MLXIPL: variants seen among roughly 807,000 people sequenced by gnomAD.
MLXIPL encodes the protein carbohydrate-responsive element-binding protein.
In MLXIPL, 49 loss-of-function variants were observed where a neutral mutation model predicts 81.5. That is an observed-to-expected ratio of 0.60 (90% CI 0.48 to 0.76). The LOEUF (loss-of-function observed/expected upper bound fraction) is 0.76. MLXIPL is among the 30% of genes least tolerant of loss of function. MLXIPL has a pLI of 0.00. For missense variants in MLXIPL, 1,053 were observed against 1,167.0 expected (o/e 0.90, Z 1.42); for synonymous variants, 466 against 485.5 (o/e 0.96, Z 0.53).
chr7:73,634,327 T>C, the MLXIPL span, among the ~76,000 whole-genome samples: 1 of 151,338 alleles, frequency 6.6e-6, no homozygotes, highest in African/African-American at 2.4e-5. Context: ...AGGCCAGGAG[T>C]TCAAGACCAG....
the MLXIPL span, among the ~76,000 whole-genome samples, chr7:73,643,884 A>G: frequency 6.6e-6 from 1 of 152,104 alleles, no homozygotes; most frequent in Non-Finnish European, 1.5e-5. Flanking sequence ...CTCCCGCCTC[A>G]GCCTCCCAAG....
At chr7:73,607,444 G>A (rs1319855557) in intron 3 of MLXIPL, 24 bp from the exon 4 acceptor site, 3 of 1,544,460 alleles carry the variant, frequency 1.9e-6, no homozygotes, top group Non-Finnish European at 2.6e-6. Context: ...CGGGGGAGGG[G>A]GATCAGTAGA....
At position 73,593,888 on chromosome 7, in the gene MLXIPL, C is replaced by G; in HGVS notation, c.2536G>C (p.Gly846Arg). The G allele has an allele frequency of 2.5e-6, 4 of 1,614,062 alleles. No homozygotes were observed. Among genetic ancestry groups the G allele is most frequent in the Non-Finnish European group, 3.4e-6 (4 of 1,179,976 alleles). Residue 846 changes from glycine (G) to arginine (R), a missense_variant, in exon 17 of 17, where the codon GGC (glycine) becomes CGC (arginine). This residue lies in a region of MLXIPL where 823 missense variants were observed against 933.0 expected (regional missense o/e 0.88). Coordinates refer to ENST00000313375, the MANE Select transcript of MLXIPL (RefSeq NM_032951.3). ...GACTATAAAGGTTTGCCAAGGGTGC[C>G]CTCTGTGACTGCCCGTGTGGCTTGC... Reference protein sequence around the residue: ...PEQATRAVTEGTLGKPL With the variant: ...PEQATRAVTERTLGKPL
chr7:73,607,368 C>T lies in MLXIPL; in HGVS notation c.536G>A (p.Arg179Gln), dbSNP rs868971099. The change falls in exon 4 of 17, where the codon CGG becomes CAG. Residue 179 changes from arginine to glutamine, a missense_variant. By Grantham distance (43) the Arg-to-Gln change is conservative. This residue lies in a region of MLXIPL where 823 missense variants were observed against 933.0 expected (regional missense o/e 0.88). Transcript: ENST00000313375. ...YWKRRIEVVM[R>Q]EYHKWRIYYK... The stretch of plus-strand genomic sequence containing the variant: ...GTAGATGCGCCACTTGTGGTATTCC[C>T]GCATCACCACCTCGATGCGCCGCTT... 10 of 1,567,464 alleles carry T rather than the reference C, an allele frequency of 6.4e-6. No individual in the cohort carries two copies. Among genetic ancestry groups the T allele is most frequent in the Non-Finnish European group, 8.7e-6 (10 of 1,155,746 alleles).
the MLXIPL span, among the ~76,000 whole-genome samples, chr7:73,640,603 C>T: frequency 6.6e-6 from 1 of 151,308 alleles, no homozygotes; most frequent in African/African-American, 2.4e-5. Context: ...ATGATGAAAC[C>T]CTGTCTCTAC....
rs370408161 is a variant in MLXIPL, at chr7:73,596,240, C to T, written c.1971G>A (p.Ala657=). 2.2e-4 allele frequency: 347 copies of T among 1,612,448 alleles called. No individual in the cohort carries two copies. Among genetic ancestry groups the T allele is most frequent in the Middle Eastern group, 3.3e-4 (2 of 6,054 alleles). The change falls in exon 13 of 17, where the codon GCG becomes GCA. Residue 657 remains alanine (A), a synonymous_variant. Transcript: ENST00000313375. The surrounding 1 kb of genome is among the most constrained non-coding windows in gnomAD (Gnocchi z 4.7). ...TGATGTTGAAGCGCCGCTTCTGCTC[C>T]GCGGAGATGTGTGTGATACGCCGGT... ...TENRRITHIS[A]EQKRRFNIKL... is the part of the protein sequence containing the mutation.
At chr7:73,622,489 CAA>C (rs1194006278) in intron 1 of MLXIPL, among the ~76,000 whole-genome samples, 2 of 119,026 alleles carry the variant, frequency 1.7e-5, no homozygotes, top group Non-Finnish European at 1.8e-5. Flanking sequence ...AACTCTGTCT[CAA>C]AAAAAAAAAA....
At chr7:73,644,541 T>C in the MLXIPL span, among the ~76,000 whole-genome samples, 1 of 152,286 alleles carries the variant, frequency 6.6e-6, no homozygotes, top group East Asian at 1.9e-4. Flanking sequence ...GCTATGACTA[T>C]GTGATGTTAT....
At chr7:73,606,422 CTTTTTCTT>C in intron 5 of MLXIPL, 1 of 445,066 alleles carries the variant, frequency 2.2e-6, no homozygotes, top group South Asian at 3.1e-5. Context: ...TTTTCTTTTT[CTTTTTCTT>C]TTTTTTTTTT....
At chr7:73,619,940 C>CA (rs537595924) in intron 1 of MLXIPL, among the ~76,000 whole-genome samples, 5 of 151,942 alleles carry the variant, frequency 3.3e-5, no homozygotes, top group African/African-American at 1.2e-4. Context: ...AAAAAACAAA[C>CA]AAACAAAACA....
chr7:73,646,185 C>T, the MLXIPL span, among the ~76,000 whole-genome samples: 1 of 152,168 alleles, frequency 6.6e-6, no homozygotes, highest in Non-Finnish European at 1.5e-5. Context: ...GGGCTGGCAG[C>T]AGGGCCAAAG....
At chr7:73,612,865 C>G (rs1359268309) in intron 2 of MLXIPL, among the ~76,000 whole-genome samples, 2 of 152,116 alleles carry the variant, frequency 1.3e-5, no homozygotes, top group African/African-American at 2.4e-5. Context: ...GATACTGGGA[C>G]AGGACACATG....
At chr7:73,603,314 C>T (rs1405238940) in intron 7 of MLXIPL, among the ~76,000 whole-genome samples, 1 of 152,208 alleles carries the variant, frequency 6.6e-6, no homozygotes, top group Admixed American at 6.5e-5. Context: ...AGCAGCCACC[C>T]GGGCTTGCCA....
At position 73,623,837 on chromosome 7, in the gene MLXIPL, G is replaced by T. The variant is rs1294639298; in HGVS notation, c.293+363C>A. On this transcript the variant is annotated intron_variant, in intron 1 of 16. Transcript: ENST00000313375. This position sits in a 1 kb window ranked among gnomAD's most constrained non-coding sequence, Gnocchi z 5.7. ...AGAGTGGAGAGTGGGGATGGGCGCG[G>T]GTGGCCTAGGGACCAGGGGCGCCTG... is the stretch of plus-strand genomic sequence containing the variant. Among the ~76,000 whole-genome samples the T allele has an allele frequency of 2.6e-5, 4 of 151,992 alleles. No individual in the cohort carries two copies. The highest frequency in any genetic ancestry group is 4.4e-5 in the Non-Finnish European group (3 of 68,002).
intron 1 of MLXIPL, among the ~76,000 whole-genome samples, chr7:73,619,761 T>G (rs2463303): frequency 0.012 from 1,853 of 151,544 alleles, 32 homozygotes; most frequent in African/African-American, 0.043. Context: ...AAACCCGGTC[T>G]CTACTAAAAA....
At chr7:73,644,038 G>T in the MLXIPL span, among the ~76,000 whole-genome samples, 1 of 151,920 alleles carries the variant, frequency 6.6e-6, no homozygotes, top group Non-Finnish European at 1.5e-5. Context: ...CTGAGTGGCT[G>T]GGACTATAAG....
chr7:73,597,415 G>A lies in MLXIPL; in HGVS notation c.1370C>T (p.Pro457Leu). ...SPLPAPAAFPPTPQSVPSPAP... is the reference protein window; with the variant it reads ...SPLPAPAAFPLTPQSVPSPAP... ...TGGGCTGGGGACAGACTGTGGGGTG[G>A]GTGGGAAGGCTGCAGGAGCAGGCAG... The change falls in exon 9 of 17, where the codon CCC becomes CTC. Residue 457 changes from proline to leucine, a missense_variant. Physicochemically the swap from Pro to Leu is moderately conservative, Grantham distance 98. Around this residue, in one of 3 missense-constraint regions of MLXIPL, gnomAD observed 823 missense variants for 933.0 expected, o/e 0.88. Coordinates refer to ENST00000313375, the MANE Select transcript of MLXIPL (RefSeq NM_032951.3). 7.0e-7 allele frequency: 1 copy of A among 1,431,590 alleles called. No homozygotes were observed. The highest frequency in any genetic ancestry group is 9.2e-7 in the Non-Finnish European group (1 of 1,088,712). 88.7% of individuals were successfully genotyped at this position (1,431,590 alleles called of 1,614,324 possible). A position where few individuals can be genotyped will look rare whatever the true frequency, so the allele number is the denominator to read the frequency against.
Position 73,604,258 on chromosome 7 carries a change from G to A in MLXIPL, c.901+1430C>T, listed in dbSNP as rs1795113388. ...AAAAAAAAAAAGCTTTACAAGATAT[G>A]ATGCATGCCTGGGATTTTCTTTAAA... On this transcript the variant is annotated intron_variant, in intron 7 of 16. Transcript: ENST00000313375. Among the ~76,000 whole-genome samples the A allele has an allele frequency of 2.4e-5, 3 of 127,202 alleles. No individual in the cohort carries two copies. The Admixed American group carries it at 2.5e-4, about 11-fold the overall frequency. The allele number at this position is 127,202 out of a possible 152,430, so 83.4% of individuals were successfully genotyped here.
rs1584160302 is a variant in MLXIPL, at chr7:73,623,404, G to A, written c.293+796C>T. Among the ~76,000 whole-genome samples, 1 of 152,086 alleles carries A rather than the reference G, an allele frequency of 6.6e-6. No homozygotes were observed. Among genetic ancestry groups the A allele is most frequent in the African/African-American group, 2.4e-5 (1 of 41,416 alleles). On this transcript the variant is annotated intron_variant, in intron 1 of 16. Transcript: ENST00000313375. This position sits in a 1 kb window ranked among gnomAD's most constrained non-coding sequence, Gnocchi z 5.7. ...GCACTGGGCCAGGCCTCGGGTTCGC[G>A]CCCTCCTCTGGGACGCGGGGCGTGG...
Sources: gnomAD v4.1 joint callset for allele counts (sites outside exome capture counted in the v4.1 genomes callset) on GRCh38, gnomAD v4.1.1 for gene constraint, gnomAD v4.1.1 regional missense constraint, Gnocchi (gnomAD v3.1) non-coding constraint, MANE v1.5 for transcripts, NCBI Gene and HGNC (gene_info 2026-07-23, HGNC 2026-07-21) for gene names.